The following SYT1 variants were observed in gnomAD, a reference collection of about 807,000 sequenced individuals.
SYT1 encodes synaptotagmin 1.
In SYT1, 8 loss-of-function variants were observed where a neutral mutation model predicts 44.8. The ratio of observed to expected loss-of-function variants is 0.18; its 90% CI spans 0.10 to 0.32. The LOEUF (loss-of-function observed/expected upper bound fraction) is 0.32. SYT1 is among the 10% of genes least tolerant of loss of function. The pLI, the probability that SYT1 is intolerant of heterozygous loss-of-function variation, is 1.00. For synonymous variants in SYT1, 154 were observed against 188.8 expected (o/e 0.82, Z 1.51); for missense variants, 286 against 509.3 (o/e 0.56, Z 4.22).
At chr12:79,415,089 G>A (rs1868649312) in intron 9 of SYT1, among the ~76,000 whole-genome samples, 1 of 151,752 alleles carries the variant, frequency 6.6e-6, no homozygotes, top group Admixed American at 6.6e-5. Context: ...AGAATTATTT[G>A]CTTGCTTATT....
intron 4 of SYT1, among the ~76,000 whole-genome samples, chr12:79,234,878 T>C (rs1050267841): frequency 6.6e-6 from 1 of 152,046 alleles, no homozygotes; most frequent in Non-Finnish European, 1.5e-5. Context: ...GCCCAGCTAA[T>C]TTTTGTATTT....
chr12:79,406,050 T>G (rs1435863271), intron 9 of SYT1, among the ~76,000 whole-genome samples: 1 of 151,964 alleles, frequency 6.6e-6, no homozygotes, highest in Admixed American at 6.6e-5. Context: ...TTTAAAAAAA[T>G]TAATATGGAA....
chr12:79,116,053 G>C (rs561173360), intron 3 of SYT1, among the ~76,000 whole-genome samples: 3 of 152,196 alleles, frequency 2.0e-5, no homozygotes, highest in Non-Finnish European at 4.4e-5. Flanking sequence ...TCACTAACTA[G>C]CTGGATGACC....
intron 9 of SYT1, among the ~76,000 whole-genome samples, chr12:79,388,045 CT>C (rs1303947498): frequency 6.6e-6 from 1 of 152,150 alleles, no homozygotes. Flanking sequence ...CAAATCTTTG[CT>C]ATCTCATGAA....
At chr12:79,349,703 TC>T (rs1882804632) in intron 8 of SYT1, among the ~76,000 whole-genome samples, 1 of 152,180 alleles carries the variant, frequency 6.6e-6, no homozygotes, top group Non-Finnish European at 1.5e-5. Flanking sequence ...ACCCTTTTAG[TC>T]CCCATCACCA....
chr12:78,982,483 A>G (rs957060156), intron 2 of SYT1, among the ~76,000 whole-genome samples: 1 of 152,176 alleles, frequency 6.6e-6, no homozygotes, highest in African/African-American at 2.4e-5. Context: ...TTCAATATCA[A>G]GCACCCCTCC....
intron 2 of SYT1, among the ~76,000 whole-genome samples, chr12:79,040,699 A>G (rs1465343483): frequency 6.6e-6 from 1 of 152,196 alleles, no homozygotes; most frequent in Non-Finnish European, 1.5e-5. Flanking sequence ...GTCCTTGCCC[A>G]TGCCTATGTA....
chr12:78,957,374 A>C (rs1225085110), intron 1 of SYT1, among the ~76,000 whole-genome samples: 2 of 152,190 alleles, frequency 1.3e-5, no homozygotes, highest in Non-Finnish European at 2.9e-5. Context: ...CTCCTTAAAT[A>C]AAAGTGCTTT....
chr12:78,922,461 A>G (rs1877061022), intron 1 of SYT1, among the ~76,000 whole-genome samples: 1 of 151,740 alleles, frequency 6.6e-6, no homozygotes, highest in African/African-American at 2.4e-5. Flanking sequence ...AAGAAAACAT[A>G]TTATAAAGTA....
At chr12:79,150,268 A>C (rs1372394899) in intron 3 of SYT1, among the ~76,000 whole-genome samples, 3 of 152,234 alleles carry the variant, frequency 2.0e-5, no homozygotes, top group Non-Finnish European at 2.9e-5. Context: ...AATACTATTC[A>C]GCCATTAAAA....
intron 3 of SYT1, among the ~76,000 whole-genome samples, chr12:79,197,956 C>G (rs889767742): frequency 6.6e-6 from 1 of 152,060 alleles, no homozygotes; most frequent in Admixed American, 6.6e-5. Flanking sequence ...TAAAACATCA[C>G]TATCACCCAG....
At chr12:79,310,156 C>T (rs1181900385) in intron 8 of SYT1, among the ~76,000 whole-genome samples, 4 of 151,938 alleles carry the variant, frequency 2.6e-5, no homozygotes. Flanking sequence ...TTAGGTCTAA[C>T]GTTTAAGTCT....
At chr12:79,345,913 A>G (rs897791271) in intron 8 of SYT1, among the ~76,000 whole-genome samples, 8 of 152,186 alleles carry the variant, frequency 5.3e-5, no homozygotes, top group African/African-American at 1.7e-4. Flanking sequence ...ACCTCTAAAC[A>G]AGACTCCCAA....
chr12:79,009,868 A>G (rs79019835), intron 2 of SYT1, among the ~76,000 whole-genome samples: 1,732 of 152,114 alleles, frequency 0.011, 32 homozygotes, highest in African/African-American at 0.04. Flanking sequence ...CTCCACAGGT[A>G]CTTTGAGCTT....
chr12:79,009,542 T>A (rs1871294100), intron 2 of SYT1, among the ~76,000 whole-genome samples: 1 of 152,142 alleles, frequency 6.6e-6, no homozygotes, highest in South Asian at 2.1e-4. Flanking sequence ...AACACGTGTA[T>A]GTTTTATTTC....
chr12:79,090,735 TA>T (rs1018137425), intron 3 of SYT1, among the ~76,000 whole-genome samples: 2 of 151,922 alleles, frequency 1.3e-5, no homozygotes, highest in African/African-American at 4.8e-5. Flanking sequence ...TTTTATATGA[TA>T]CAGAAAGAAA....
At chr12:78,898,141 A>T (rs1318031181) in intron 1 of SYT1, among the ~76,000 whole-genome samples, 1 of 150,550 alleles carries the variant, frequency 6.6e-6, no homozygotes, top group Non-Finnish European at 1.5e-5. Flanking sequence ...TAACTGTAGA[A>T]TGTTGAGCAA....
chr12:79,254,975 A>G (rs1445384983), intron 4 of SYT1, among the ~76,000 whole-genome samples: 1 of 152,212 alleles, frequency 6.6e-6, no homozygotes, highest in Non-Finnish European at 1.5e-5. Context: ...TGAAGATACT[A>G]TGAACATTAT....
intron 3 of SYT1, among the ~76,000 whole-genome samples, chr12:79,158,723 A>C (rs908601887): frequency 4.5e-4 from 68 of 151,842 alleles, no homozygotes; most frequent in African/African-American, 1.5e-3. Flanking sequence ...CATGGTGAAA[A>C]CCCATCTCTA....
Sources: gnomAD v4.1 joint callset for allele counts (sites outside exome capture counted in the v4.1 genomes callset) on GRCh38, gnomAD v4.1.1 for gene constraint, MANE v1.5 for transcripts, NCBI Gene and HGNC (gene_info 2026-07-23, HGNC 2026-07-21) for gene names.